The following KCNJ3 variants were observed in gnomAD, a reference collection of about 807,000 sequenced individuals.
The protein encoded by KCNJ3 is G protein-activated inward rectifier potassium channel 1.
In KCNJ3, 4 loss-of-function variants were observed where a neutral mutation model predicts 39.2. The observed-to-expected ratio is 0.10, with a 90% CI of 0.05 to 0.23. KCNJ3 has a LOEUF of 0.23. KCNJ3 is among the 10% of genes least tolerant of loss of function. The pLI is 1.00. For missense variants in KCNJ3, 276 were observed against 634.9 expected (o/e 0.43, Z 6.08); for synonymous variants, 230 against 237.4 (o/e 0.97, Z 0.29).
Position 154,699,627 on chromosome 2 carries a change from T to A in KCNJ3, c.702+150T>A. 8.5e-7 allele frequency: 1 copy of A among 1,179,110 alleles called. No individual in the cohort carries two copies. The highest frequency in any genetic ancestry group is 1.2e-6 in the Non-Finnish European group (1 of 864,332). 73.0% of individuals were successfully genotyped at this position (1,179,110 alleles called of 1,614,324 possible). A position where few individuals can be genotyped will look rare whatever the true frequency, so the allele number is the denominator to read the frequency against. ...TTTGGGGGGTTGGGGGTTGGAGGAC[T>A]GGGCAAAGAATGCGGTTGACAGTTC... On this transcript the variant is annotated intron_variant, in intron 1 of 2. Transcript: ENST00000295101. This position sits in a 1 kb window ranked among gnomAD's most constrained non-coding sequence, Gnocchi z 6.4.
At chr2:154,726,752 G>A (rs1279461506) in intron 2 of KCNJ3, among the ~76,000 whole-genome samples, 2 of 126,344 alleles carry the variant, frequency 1.6e-5, no homozygotes, top group South Asian at 2.6e-4. Flanking sequence ...AAGAAAATGT[G>A]TATATATATA....
Position 154,709,737 on chromosome 2 carries a change from C to T in KCNJ3, c.837C>T (p.Pro279=). Residue 279 remains proline (P), a synonymous_variant, in exon 2 of 3, where the codon CCC becomes CCT. Coordinates refer to ENST00000295101, the MANE Select transcript of KCNJ3 (RefSeq NM_002239.4). ...TICHVIDAKS[P]FYDLSQRSMQ... ...GCCACGTGATCGATGCCAAAAGCCC[C>T]TTTTATGACCTATCCCAGCGAAGCA... The T allele has an allele frequency of 2.5e-6, 4 of 1,613,954 alleles. No individual in the cohort carries two copies. Among genetic ancestry groups the T allele is most frequent in the Non-Finnish European group, 2.5e-6 (3 of 1,179,906 alleles).
chr2:154,735,389 C>G (rs999598333), intron 2 of KCNJ3, among the ~76,000 whole-genome samples: 1 of 151,870 alleles, frequency 6.6e-6, no homozygotes, highest in African/African-American at 2.4e-5. Flanking sequence ...GTTGGGATTA[C>G]AGGCGTGAGC....
At chr2:154,741,370 C>G (rs1242909465) in intron 2 of KCNJ3, among the ~76,000 whole-genome samples, 1 of 151,740 alleles carries the variant, frequency 6.6e-6, no homozygotes, top group Non-Finnish European at 1.5e-5. Context: ...ATTCAAACTA[C>G]CTTTTAAACA....
At chr2:154,782,540 A>ATACT (rs148719120) in intron 2 of KCNJ3, among the ~76,000 whole-genome samples, 16 of 72,460 alleles carry the variant, frequency 2.2e-4, no homozygotes, top group African/African-American at 7.6e-4. Flanking sequence ...ACACACACAC[A>ATACT]TACACGCAGG....
intron 2 of KCNJ3, among the ~76,000 whole-genome samples, chr2:154,818,541 G>T (rs1687118012): frequency 6.6e-6 from 1 of 152,022 alleles, no homozygotes; most frequent in South Asian, 2.1e-4. Flanking sequence ...TTATTTCTCA[G>T]AATTCCAACT....
chr2:154,831,206 C>T lies in KCNJ3; in HGVS notation c.920-23521C>T, dbSNP rs1010565549. ...AGCCTTTGATAAAGCACAACAGTTA[C>T]CCCTTACTGAATGGATTAGCATTTT... On this transcript the variant is annotated intron_variant, in intron 2 of 2. Coordinates refer to ENST00000295101, the MANE Select transcript of KCNJ3 (RefSeq NM_002239.4). Among the ~76,000 whole-genome samples the T allele has an allele frequency of 6.6e-5, 10 of 152,196 alleles. No individual in the cohort carries two copies. The South Asian group carries it at 2.1e-3, about 32-fold the overall frequency.
At chr2:154,766,213 A>G (rs191241464) in intron 2 of KCNJ3, among the ~76,000 whole-genome samples, 2 of 152,342 alleles carry the variant, frequency 1.3e-5, no homozygotes, top group Admixed American at 6.5e-5. Flanking sequence ...GAAGTGAGAA[A>G]GTTCAGAATC....
At chr2:154,817,352 G>T (rs576901972) in intron 2 of KCNJ3, among the ~76,000 whole-genome samples, 20 of 152,220 alleles carry the variant, frequency 1.3e-4, no homozygotes, top group Non-Finnish European at 2.1e-4. Flanking sequence ...TCTGCACAGG[G>T]ATTACTTAGT....
chr2:154,815,261 C>G (rs1333585651), intron 2 of KCNJ3, among the ~76,000 whole-genome samples: 1 of 151,974 alleles, frequency 6.6e-6, no homozygotes, highest in Non-Finnish European at 1.5e-5. Context: ...TAACTAAATC[C>G]TAAAAAGGTA....
chr2:154,836,222 A>T (rs1687459643), intron 2 of KCNJ3, among the ~76,000 whole-genome samples: 1 of 68,228 alleles, frequency 1.5e-5, no homozygotes, highest in Non-Finnish European at 4.2e-5. Flanking sequence ...AAAAAAACAA[A>T]AAAAAACAAA....
chr2:154,753,131 C>G (rs1432765672), intron 2 of KCNJ3, among the ~76,000 whole-genome samples: 2 of 151,896 alleles, frequency 1.3e-5, no homozygotes, highest in African/African-American at 4.8e-5. Context: ...GTTTTCGTAG[C>G]AAGACTTTTT....
At chr2:154,726,727 A>G (rs942766854) in intron 2 of KCNJ3, among the ~76,000 whole-genome samples, 1 of 151,632 alleles carries the variant, frequency 6.6e-6, no homozygotes, top group African/African-American at 2.4e-5. Context: ...ATGACCATCA[A>G]TCAAAGAGTG....
intron 2 of KCNJ3, among the ~76,000 whole-genome samples, chr2:154,713,457 T>C (rs972273234): frequency 3.3e-5 from 5 of 152,158 alleles, no homozygotes; most frequent in Non-Finnish European, 7.3e-5. Context: ...TTTTTGCTCA[T>C]TCCTATTGCT....
intron 2 of KCNJ3, among the ~76,000 whole-genome samples, chr2:154,805,056 A>G (rs1252890375): frequency 3.3e-5 from 5 of 152,150 alleles, no homozygotes; most frequent in African/African-American, 1.2e-4. Context: ...AAATCCTGAG[A>G]AGAATGAACA....
chr2:154,766,078 G>A (rs1254673638), intron 2 of KCNJ3, among the ~76,000 whole-genome samples: 1 of 152,102 alleles, frequency 6.6e-6, no homozygotes, highest in Non-Finnish European at 1.5e-5. Flanking sequence ...ATGACTATCA[G>A]GTTGCTAAGG....
chr2:154,792,609 G>A (rs1471273875), intron 2 of KCNJ3, among the ~76,000 whole-genome samples: 1 of 152,082 alleles, frequency 6.6e-6, no homozygotes, highest in Non-Finnish European at 1.5e-5. Flanking sequence ...CCTCTTAGGA[G>A]CCATGCAGAT....
intron 2 of KCNJ3, among the ~76,000 whole-genome samples, chr2:154,829,482 A>G (rs1016566886): frequency 1.3e-5 from 2 of 152,176 alleles, no homozygotes; most frequent in African/African-American, 4.8e-5. Context: ...ATAGCTGTGT[A>G]GTATTCCATG....
At chr2:154,796,025 G>C (rs997528874) in intron 2 of KCNJ3, among the ~76,000 whole-genome samples, 3 of 152,070 alleles carry the variant, frequency 2.0e-5, no homozygotes, top group African/African-American at 7.2e-5. Flanking sequence ...CCCCCTACTA[G>C]ATTGCAAATT....
Sources: allele counts gnomAD v4.1 joint callset (sites outside exome capture counted in the v4.1 genomes callset), GRCh38; gene constraint gnomAD v4.1.1; non-coding constraint Gnocchi (gnomAD v3.1); transcripts MANE v1.5; gene names NCBI Gene and HGNC (gene_info 2026-07-23, HGNC 2026-07-21).